Variants in IGHMBP2 observed in about 807,000 individuals in gnomAD.
The protein encoded by IGHMBP2 is DNA-binding protein SMUBP-2.
IGHMBP2 carries 81 observed loss-of-function variants against 96.0 expected under a neutral mutation model. The observed-to-expected ratio is 0.84, with a 90% CI of 0.71 to 1.01. The LOEUF is 1.01. Ranked by LOEUF, IGHMBP2 falls within the 50% of genes least tolerant of loss-of-function variation. The pLI is 0.00. For synonymous variants in IGHMBP2, 557 were observed against 548.9 expected (o/e 1.01, Z -0.21); for missense variants, 1,227 against 1,306.3 (o/e 0.94, Z 0.94).
In IGHMBP2 at chr11:68,930,271, C is replaced by T. The variant is rs892626011; in HGVS notation, c.1235+914C>T. The stretch of plus-strand genomic sequence containing the variant: ...TCCACCGGGGGAAGATTGATTTCTT[C>T]AGATTTCGGTTGCCTTTTGAAACAC... On this transcript the variant is annotated intron_variant, in intron 8 of 14. Coordinates refer to ENST00000255078, the MANE Select transcript of IGHMBP2 (RefSeq NM_002180.3). The T allele has an allele frequency of 1.6e-4, 205 of 1,283,628 alleles. 3 individuals carry two copies. In the South Asian group the frequency reaches 2.3e-3, roughly 14 times the overall value. The allele number at this position is 1,283,628 out of a possible 1,614,324, so 79.5% of individuals were successfully genotyped here. A position where few individuals can be genotyped will look rare whatever the true frequency, so the allele number is the denominator to read the frequency against.
rs1858282116 is a variant in IGHMBP2 at position 68,908,252 on chromosome 11, C to T, written c.364C>T (p.His122Tyr). ...KSVTVAFDES[H>Y]DFQLSLDREN... ...GGTCACGGTGGCCTTTGATGAGTCC[C>T]ACGATTTCCAGTTGAGCTTGGACCG... is the stretch of plus-strand genomic sequence containing the variant. The change falls in exon 3 of 15, where the codon CAC becomes TAC. Residue 122 changes from histidine to tyrosine, a missense_variant. Coordinates refer to ENST00000255078, the MANE Select transcript of IGHMBP2 (RefSeq NM_002180.3). The T allele has an allele frequency of 6.2e-7, 1 of 1,614,076 alleles. No individual in the cohort carries two copies. The highest frequency in any genetic ancestry group is 8.5e-7 in the Non-Finnish European group (1 of 1,180,002).
Position 68,939,559 on chromosome 11 carries a change from G to A in IGHMBP2, c.2810G>A (p.Arg937His), listed in dbSNP as rs1326529279. 10 of 1,612,382 alleles carry A rather than the reference G, an allele frequency of 6.2e-6. No homozygotes were observed. Among genetic ancestry groups the A allele is most frequent in the South Asian group, 1.1e-5 (1 of 91,040 alleles). ...PEIHGCGERA[R>H]AHARQRISRE... ...ATCCATGGCTGCGGTGAGAGGGCTC[G>A]CGCCCATGCCCGGCAGAGAATCAGC... Residue 937 changes from arginine (R) to histidine (H), a missense_variant, in exon 15 of 15, where the codon CGC (arginine) becomes CAC (histidine). Around this residue, in one of 3 missense-constraint regions of IGHMBP2, gnomAD observed 703 missense variants for 770.3 expected, o/e 0.91. Transcript: ENST00000255078.
intron 6 of IGHMBP2, 32 bp downstream of exon 6, chr11:68,915,055 G>T: frequency 6.3e-7 from 1 of 1,576,272 alleles, no homozygotes; most frequent in African/African-American, 1.3e-5. Context: ...CATGTGGGGC[G>T]TGGGCTTCTG....
At chr11:68,916,095 A>G (rs886456069) in intron 6 of IGHMBP2, among the ~76,000 whole-genome samples, 1 of 139,084 alleles carries the variant, frequency 7.2e-6, no homozygotes, top group Non-Finnish European at 1.6e-5. Flanking sequence ...AATCTCTTGA[A>G]CCTGGGAGGT....
rs1858444330 is a variant in IGHMBP2, at chr11:68,911,730, T to C, written c.711+127T>C. 5.5e-6 allele frequency: 5 copies of C among 906,076 alleles called. No homozygotes were observed. The East Asian group carries it at 7.5e-5, about 14-fold the overall frequency. The allele number at this position is 906,076 out of a possible 1,614,324, so 56.1% of individuals were successfully genotyped here. On this transcript the variant is annotated intron_variant, in intron 5 of 14. Transcript: ENST00000255078. Reference sequence around the variant, plus strand: ...GGTCAGGAACATTACTGAGCATTTATTGATTGAGCCTTGGACTGCCCCTGT... The same window carrying C: ...GGTCAGGAACATTACTGAGCATTTACTGATTGAGCCTTGGACTGCCCCTGT...
rs1859630125 is a variant in IGHMBP2, at chr11:68,938,290, C to T, written c.2720C>T (p.Thr907Ile). Residue 907 changes from threonine to isoleucine, a missense_variant, in exon 14 of 15, where the codon ACA becomes ATA. Thr to Ile is a moderately conservative substitution (Grantham distance 89, BLOSUM62 -1). Coordinates refer to ENST00000255078, the MANE Select transcript of IGHMBP2 (RefSeq NM_002180.3). ...TTTGCCAAGTGCACAGCCGGCGTCA[C>T]AACCCTGGGCCAGTTCTGCCAGCTC... The part of the protein sequence containing the change: ...CGFAKCTAGV[T>I]TLGQFCQLCS... 6.2e-7 allele frequency: 1 copy of T among 1,613,332 alleles called. No homozygotes were observed. The highest frequency in any genetic ancestry group is 1.3e-5 in the African/African-American group (1 of 74,922).
Position 68,911,428 on chromosome 11 carries a change from C to T in IGHMBP2, c.548-12C>T, listed in dbSNP as rs1858429648. The T allele has an allele frequency of 1.2e-6, 2 of 1,613,280 alleles. No individual in the cohort carries two copies. The highest frequency in any genetic ancestry group is 2.7e-5 in the African/African-American group (2 of 75,034). On this transcript the variant is annotated splice_polypyrimidine_tract_variant and intron_variant, in intron 4 of 14. Transcript: ENST00000255078. ...AGAGCACCTGAGCCTCACGCTGCTG[C>T]TTCTTCCACAGACCCGCTGACATTC...
chr11:68,920,344 A>T (rs1858833815), intron 7 of IGHMBP2, among the ~76,000 whole-genome samples: 1 of 152,160 alleles, frequency 6.6e-6, no homozygotes, highest in Non-Finnish European at 1.5e-5. Context: ...CAATCCTCCC[A>T]CATTGACCTC....
chr11:68,927,917 G>C (rs763002722), intron 7 of IGHMBP2, among the ~76,000 whole-genome samples: 3 of 152,204 alleles, frequency 2.0e-5, no homozygotes, highest in Non-Finnish European at 4.4e-5. Flanking sequence ...CTGCCATAGG[G>C]ATGGCTGGGA....
intron 7 of IGHMBP2, among the ~76,000 whole-genome samples, chr11:68,919,198 C>T (rs550690050): frequency 3.0e-4 from 46 of 151,050 alleles, no homozygotes; most frequent in African/African-American, 9.2e-4. Flanking sequence ...TCCCCGTCCC[C>T]GTCCCCGTCC....
At chr11:68,919,403 G>A (rs901354157) in intron 7 of IGHMBP2, among the ~76,000 whole-genome samples, 1 of 151,994 alleles carries the variant, frequency 6.6e-6, no homozygotes, top group Admixed American at 6.5e-5. Flanking sequence ...CTGAGGAGCT[G>A]GGGCTCCCTG....
intron 8 of IGHMBP2, among the ~76,000 whole-genome samples, chr11:68,930,748 G>A (rs961903142): frequency 6.6e-6 from 1 of 152,180 alleles, no homozygotes; most frequent in Admixed American, 6.5e-5. Context: ...CAGAGTAGTG[G>A]GTAGCTCCTC....
chr11:68,915,742 C>T, intron 6 of IGHMBP2, among the ~76,000 whole-genome samples: 1 of 151,964 alleles, frequency 6.6e-6, no homozygotes, highest in East Asian at 2.0e-4. Flanking sequence ...CCTCAGCCTC[C>T]CAAAGTGCTG....
In IGHMBP2 at chr11:68,939,749, C is replaced by T. The variant is rs370227350; in HGVS notation, c.*18C>T. 92 of 1,592,016 alleles carry T rather than the reference C, an allele frequency of 5.8e-5. No homozygotes were observed. The highest frequency in any genetic ancestry group is 3.5e-4 in the Middle Eastern group (2 of 5,648). ...GGACGTGACCGGCCGCATCCTTGCACGCCCCGCGGAGCTCTCTCCATGGTA... is the reference window on the plus strand; with the variant it reads ...GGACGTGACCGGCCGCATCCTTGCATGCCCCGCGGAGCTCTCTCCATGGTA... On this transcript the variant is annotated 3_prime_UTR_variant, in exon 15 of 15. Transcript: ENST00000255078.
chr11:68,935,353 T>C lies in IGHMBP2; in HGVS notation c.1687T>C (p.Ser563Pro), dbSNP rs777015862. ...VHRHPELEIK[S>P]VDGFQGREKE... is the part of the protein sequence containing the mutation. ...CAGGCACCCTGAGCTTGAAATCAAG[T>C]CTGTCGATGGCTTCCAAGGCCGAGA... The change falls in exon 12 of 15, where the codon TCT becomes CCT. Residue 563 changes from serine (S) to proline (P), a missense_variant. This residue lies in a region of IGHMBP2 where 703 missense variants were observed against 770.3 expected (regional missense o/e 0.91). Transcript: ENST00000255078. 1 of 1,614,138 alleles carries C rather than the reference T, an allele frequency of 6.2e-7. No homozygotes were observed. Among genetic ancestry groups the C allele is most frequent in the South Asian group, 1.1e-5 (1 of 91,084 alleles).
chr11:68,916,712 G>A (rs980391447), intron 6 of IGHMBP2, among the ~76,000 whole-genome samples: 92 of 152,230 alleles, frequency 6.0e-4, no homozygotes, highest in African/African-American at 2.0e-3. Flanking sequence ...GGCTGCTTGC[G>A]TGGCTGCTTG....
chr11:68,911,575 T>C lies in IGHMBP2; in HGVS notation c.683T>C (p.Ile228Thr). The change falls in exon 5 of 15, where the codon ATT (isoleucine) becomes ACT (threonine). Residue 228 changes from isoleucine (I) to threonine (T), a missense_variant. This residue lies in a region of IGHMBP2 where 507 missense variants were observed against 496.9 expected (regional missense o/e 1.02). Transcript: ENST00000255078. ...AAAACCACGACTGTGGTTGAGATCA[T>C]TCTTCAAGCTGTGAAACAAGGCTTA... ...TGKTTTVVEI[I>T]LQAVKQGLKV... is the part of the protein sequence containing the mutation. The C allele has an allele frequency of 6.2e-7, 1 of 1,614,226 alleles. No individual in the cohort carries two copies. Among genetic ancestry groups the C allele is most frequent in the Non-Finnish European group, 8.5e-7 (1 of 1,180,048 alleles).
rs1347461335 is a variant in IGHMBP2 at position 68,929,305 on chromosome 11, T to C, written c.1183T>C (p.Cys395Arg). The change falls in exon 8 of 15, where the codon TGC (cysteine) becomes CGC (arginine). Residue 395 changes from cysteine to arginine, a missense_variant. By Grantham distance (180) the Cys-to-Arg change is radical (BLOSUM62 -3). This residue lies in a region of IGHMBP2 where 507 missense variants were observed against 496.9 expected (regional missense o/e 1.02). Coordinates refer to ENST00000255078, the MANE Select transcript of IGHMBP2 (RefSeq NM_002180.3). ...CWIPLLKARKCILAGDHKQLP... is the reference protein window; with the variant it reads ...CWIPLLKARKRILAGDHKQLP... ...GATCCCCCTGCTGAAGGCCAGAAAG[T>C]GCATCCTGGCGGGCGATCACAAGCA... 7 of 1,613,684 alleles carry C rather than the reference T, an allele frequency of 4.3e-6. No individual in the cohort carries two copies. The highest frequency in any genetic ancestry group is 5.9e-6 in the Non-Finnish European group (7 of 1,180,020).
Position 68,906,557 on chromosome 11 carries a change from A to T in IGHMBP2, c.256+319A>T, listed in dbSNP as rs1858201549. Among the ~76,000 whole-genome samples the T allele has an allele frequency of 3.3e-5, 5 of 152,154 alleles. No homozygotes were observed. The South Asian group carries it at 1.0e-3, about 32-fold the overall frequency. On this transcript the variant is annotated intron_variant, in intron 2 of 14. Coordinates refer to ENST00000255078, the MANE Select transcript of IGHMBP2 (RefSeq NM_002180.3). ...AATATCTTGAGTAATTTTTCTGAAT[A>T]CTGATTACATGTTGAAATAATATTT...
Sources: allele counts gnomAD v4.1 joint callset (sites outside exome capture counted in the v4.1 genomes callset), GRCh38; gene constraint gnomAD v4.1.1; regional missense constraint gnomAD v4.1.1; transcripts MANE v1.5; gene names NCBI Gene and HGNC (gene_info 2026-07-23, HGNC 2026-07-21).